TYR: variants seen among roughly 807,000 people sequenced by gnomAD.
The protein encoded by TYR is LB24-AB.
TYR carries 58 observed loss-of-function variants against 51.5 expected under a neutral mutation model. That is an observed-to-expected ratio of 1.13 (90% CI 0.91 to 1.40). The LOEUF is 1.40. Ranked by LOEUF, TYR falls within the 40% of genes most tolerant of loss-of-function variation. The pLI is 0.00. For missense variants in TYR, 732 were observed against 647.4 expected, an observed-to-expected ratio of 1.13 and a Z score of -1.42; for synonymous variants, 263 against 235.2, an observed-to-expected ratio of 1.12 and a Z score of -1.08.
chr11:89,247,834 G>T (rs1395610081), intron 3 of TYR, among the ~76,000 whole-genome samples: 2 of 152,168 alleles, frequency 1.3e-5, no homozygotes, highest in Non-Finnish European at 2.9e-5. Flanking sequence ...GACAGAAGCA[G>T]CATGACTGTA....
chr11:89,197,265 C>G (rs1446746174), intron 2 of TYR, among the ~76,000 whole-genome samples: 1 of 152,018 alleles, frequency 6.6e-6, no homozygotes, highest in Non-Finnish European at 1.5e-5. Flanking sequence ...TAGAAAAATC[C>G]GTGTATACCA....
Position 89,295,104 on chromosome 11 carries a change from T to C in TYR, c.1367-39T>C, listed in dbSNP as rs187560585. The C allele has an allele frequency of 7.1e-5, 114 of 1,608,578 alleles. No individual in the cohort carries two copies. In the African/African-American group the frequency reaches 1.4e-3, roughly 19 times the overall value. ...AAGATGATGGTGATCGTAACAATGGTGGTAACAATAAAAACAATGGGATGT... is the reference window on the plus strand; with the variant it reads ...AAGATGATGGTGATCGTAACAATGGCGGTAACAATAAAAACAATGGGATGT... On this transcript the variant is annotated intron_variant, in intron 4 of 4. Transcript: ENST00000263321.
At chr11:89,179,830 T>C (rs1943277183) in intron 1 of TYR, among the ~76,000 whole-genome samples, 1 of 152,226 alleles carries the variant, frequency 6.6e-6, no homozygotes, top group East Asian at 1.9e-4. Flanking sequence ...AATATGTGCT[T>C]AATTATTTAT....
intron 2 of TYR, among the ~76,000 whole-genome samples, chr11:89,205,160 AAAG>A (rs1943656292): frequency 6.6e-6 from 1 of 152,156 alleles, no homozygotes. Flanking sequence ...AATGGAGAGG[AAAG>A]AAGAAAGAAT....
At chr11:89,292,669 G>C (rs528833533) in intron 4 of TYR, among the ~76,000 whole-genome samples, 80 of 152,176 alleles carry the variant, frequency 5.3e-4, no homozygotes, top group African/African-American at 1.9e-3. Context: ...CCAAGTTATT[G>C]TTTTCCCTGG....
At chr11:89,201,805 T>A (rs576242991) in intron 2 of TYR, among the ~76,000 whole-genome samples, 3 of 152,226 alleles carry the variant, frequency 2.0e-5, no homozygotes, top group African/African-American at 7.2e-5. Flanking sequence ...GTTGGCCCCA[T>A]TTTGTTAAGC....
intron 1 of TYR, among the ~76,000 whole-genome samples, chr11:89,184,240 CA>C (rs1298795322): frequency 6.6e-6 from 1 of 151,296 alleles, no homozygotes; most frequent in Admixed American, 6.6e-5. Context: ...GGCATTTCAG[CA>C]AAAATAGTTT....
intron 3 of TYR, among the ~76,000 whole-genome samples, chr11:89,257,342 T>G (rs986236521): frequency 2.0e-5 from 3 of 151,948 alleles, no homozygotes; most frequent in African/African-American, 7.2e-5. Flanking sequence ...AATAACAAAC[T>G]TAAGGTATTT....
At chr11:89,185,833 T>C (rs568794481) in intron 1 of TYR, among the ~76,000 whole-genome samples, 1 of 152,168 alleles carries the variant, frequency 6.6e-6, no homozygotes, top group Non-Finnish European at 1.5e-5. Context: ...AAAAAATATA[T>C]TTATCTTAAA....
intron 3 of TYR, among the ~76,000 whole-genome samples, chr11:89,281,912 G>C (rs1196226220): frequency 6.6e-6 from 1 of 151,636 alleles, no homozygotes; most frequent in Non-Finnish European, 1.5e-5. Flanking sequence ...TTCAAATTAA[G>C]TTTTGCTAAA....
At chr11:89,251,364 G>C (rs1424432790) in intron 3 of TYR, among the ~76,000 whole-genome samples, 1 of 151,832 alleles carries the variant, frequency 6.6e-6, no homozygotes, top group African/African-American at 2.4e-5. Flanking sequence ...ACAAATTTCT[G>C]CTTGTCGGAT....
intron 3 of TYR, among the ~76,000 whole-genome samples, chr11:89,237,327 A>T (rs1490982682): frequency 6.6e-6 from 1 of 152,086 alleles, no homozygotes; most frequent in Admixed American, 6.6e-5. Context: ...GCAGTTTCAC[A>T]GTTTCAGGTC....
intron 3 of TYR, among the ~76,000 whole-genome samples, chr11:89,254,587 C>A (rs1450978725): frequency 6.6e-6 from 1 of 151,724 alleles, no homozygotes; most frequent in Non-Finnish European, 1.5e-5. Context: ...TCCATCTACT[C>A]TAGGTTTTCT....
At chr11:89,191,076 C>A in intron 1 of TYR, 126 bp from the exon 2 acceptor site, 1 of 815,794 alleles carries the variant, frequency 1.2e-6, no homozygotes, top group Non-Finnish European at 2.1e-6. Flanking sequence ...TCATTAAAGA[C>A]ACATGATTGT....
intron 3 of TYR, among the ~76,000 whole-genome samples, chr11:89,237,604 T>C (rs898987776): frequency 6.6e-6 from 1 of 152,202 alleles, no homozygotes; most frequent in Non-Finnish European, 1.5e-5. Flanking sequence ...CTTTGTAGTA[T>C]ATTTTGCAGT....
chr11:89,205,183 G>A (rs921987558), intron 2 of TYR, among the ~76,000 whole-genome samples: 6 of 151,860 alleles, frequency 4.0e-5, no homozygotes, highest in Admixed American at 3.3e-4. Flanking sequence ...TAAGTGAACT[G>A]GAAGATAGAA....
chr11:89,227,927 G>A lies in TYR; in HGVS notation c.1141G>A (p.Ala381Thr), dbSNP rs767446956. The change falls in exon 3 of 5, where the codon GCC becomes ACC. Residue 381 changes from alanine to threonine, a missense_variant. Coordinates refer to ENST00000263321, the MANE Select transcript of TYR (RefSeq NM_000372.5). ...NGTMSQVQGS[A>T]NDPIFLLHHA... ...AACAATGTCCCAGGTACAGGGATCT[G>A]CCAACGATCCTATCTTCCTTCTTCA... 2 of 1,613,558 alleles carry A rather than the reference G, an allele frequency of 1.2e-6. No individual in the cohort carries two copies. The highest frequency in any genetic ancestry group is 2.2e-5 in the South Asian group (2 of 91,084).
At chr11:89,201,590 G>T (rs1200072372) in intron 2 of TYR, among the ~76,000 whole-genome samples, 1 of 152,210 alleles carries the variant, frequency 6.6e-6, no homozygotes, top group Non-Finnish European at 1.5e-5. Context: ...GTCTGTGGCT[G>T]GTGAAGAATA....
intron 3 of TYR, among the ~76,000 whole-genome samples, chr11:89,272,832 T>G (rs1460389018): frequency 6.6e-6 from 1 of 151,942 alleles, no homozygotes; most frequent in African/African-American, 2.4e-5. Flanking sequence ...TTTTATTTTA[T>G]GAAGATGGGC....
Sources: allele counts gnomAD v4.1 joint callset (sites outside exome capture counted in the v4.1 genomes callset), GRCh38; gene constraint gnomAD v4.1.1; transcripts MANE v1.5; gene names NCBI Gene and HGNC (gene_info 2026-07-23, HGNC 2026-07-21).